Variants in CELSR1 observed in about 807,000 individuals in gnomAD.
The protein encoded by CELSR1 is cadherin EGF LAG seven-pass G-type receptor 1.
Under a neutral mutation model 249.1 loss-of-function variants are expected in CELSR1, and 110 were observed. That is an observed-to-expected ratio of 0.44 (90% CI 0.38 to 0.52). The LOEUF is 0.52. Ranked by LOEUF, CELSR1 falls within the 20% of genes least tolerant of loss-of-function variation. The pLI is 0.00. For missense variants in CELSR1, 4,109 were observed against 4,296.4 expected (o/e 0.96, Z 1.22); for synonymous variants, 2,113 against 1,900.0 (o/e 1.11, Z -2.92).
chr22:46,365,498 A>G, intron 31 of CELSR1, 88 bp downstream of exon 31: 1 of 1,542,534 alleles, frequency 6.5e-7, no homozygotes. Flanking sequence ...CGAGGCTGCT[A>G]GTGCTTCTTC....
chr22:46,453,359 G>C (rs2079908459), intron 2 of CELSR1, among the ~76,000 whole-genome samples: 1 of 152,184 alleles, frequency 6.6e-6, no homozygotes, highest in African/African-American at 2.4e-5. Context: ...AATTCCCCTG[G>C]CCACACCAGT....
intron 1 of CELSR1, among the ~76,000 whole-genome samples, chr22:46,483,656 G>T (rs1602198613): frequency 6.6e-6 from 1 of 152,166 alleles, no homozygotes; most frequent in East Asian, 1.9e-4. Flanking sequence ...ATCTGCTATT[G>T]CCTCTCCAAC....
At chr22:46,418,317 C>A (rs1431182041) in intron 5 of CELSR1, among the ~76,000 whole-genome samples, 4 of 152,002 alleles carry the variant, frequency 2.6e-5, no homozygotes, top group African/African-American at 9.7e-5. Flanking sequence ...CCCATCTCTA[C>A]TGAAAAAATA....
chr22:46,396,301 G>A lies in CELSR1; in HGVS notation c.5843+304C>T, dbSNP rs937156007. On this transcript the variant is annotated intron_variant, in intron 13 of 34. Transcript: ENST00000674500. The surrounding 1 kb of genome is among the most constrained non-coding windows in gnomAD (Gnocchi z 6.4). The stretch of plus-strand genomic sequence containing the variant: ...CGGGCACCTGTAGGACCAGCTACTC[G>A]GGAGGCCGAGGCAGGAGAATCACTT... Among the ~76,000 whole-genome samples the A allele has an allele frequency of 7.2e-5, 11 of 152,156 alleles. No individual in the cohort carries two copies. In the South Asian group the frequency reaches 1.5e-3, roughly 20 times the overall value.
Position 46,413,726 on chromosome 22 carries a change from G to C in CELSR1, c.4612-1967C>G, listed in dbSNP as rs2079364213. Among the ~76,000 whole-genome samples, 1 of 152,210 alleles carries C rather than the reference G, an allele frequency of 6.6e-6. No homozygotes were observed. The highest frequency in any genetic ancestry group is 2.1e-4 in the South Asian group (1 of 4,834). On this transcript the variant is annotated intron_variant, in intron 5 of 34. Coordinates refer to ENST00000674500, the MANE Select transcript of CELSR1 (RefSeq NM_001378328.1). This position sits in a 1 kb window ranked among gnomAD's most constrained non-coding sequence, Gnocchi z 4.7. Reference sequence around the variant, plus strand: ...AGACTCCACTTTTGGTTAAGCAACAGGTAGGCGAGTGCATTAAAAATCATC... The same window carrying C: ...AGACTCCACTTTTGGTTAAGCAACACGTAGGCGAGTGCATTAAAAATCATC...
rs2080167898 is a variant in CELSR1 at position 46,472,676 on chromosome 22, G to A, written c.3545-8331C>T. ...GGCCGCCGCTGCATCACCAATACAGGACATTCACTCTCTCCGTTTTGGAGG... is the reference window on the plus strand; with the variant it reads ...GGCCGCCGCTGCATCACCAATACAGAACATTCACTCTCTCCGTTTTGGAGG... On this transcript the variant is annotated intron_variant, in intron 1 of 34. Coordinates refer to ENST00000674500, the MANE Select transcript of CELSR1 (RefSeq NM_001378328.1). This position sits in a 1 kb window ranked among gnomAD's most constrained non-coding sequence, Gnocchi z 7.0. 2.0e-5 allele frequency among the ~76,000 whole-genome samples: 3 copies of A among 152,194 alleles called. No homozygotes were observed. Among genetic ancestry groups the A allele is most frequent in the African/African-American group, 7.2e-5 (3 of 41,448 alleles).
intron 1 of CELSR1, among the ~76,000 whole-genome samples, chr22:46,465,371 T>C (rs1006846368): frequency 2.7e-5 from 4 of 147,492 alleles, no homozygotes; most frequent in African/African-American, 9.8e-5. Flanking sequence ...CTGGTTTCCA[T>C]GGAGCGTGGG....
At chr22:46,479,290 T>C (rs1381751994) in intron 1 of CELSR1, among the ~76,000 whole-genome samples, 1 of 152,066 alleles carries the variant, frequency 6.6e-6, no homozygotes, top group South Asian at 2.1e-4. Flanking sequence ...GCCTCTGAAA[T>C]GCTGACTCAT....
At position 46,463,766 on chromosome 22, in the gene CELSR1, T is replaced by C. The variant is rs1202509309; in HGVS notation, c.4124A>G (p.Asn1375Ser). The C allele has an allele frequency of 1.3e-6, 2 of 1,553,164 alleles. No homozygotes were observed. Among genetic ancestry groups the C allele is most frequent in the East Asian group, 2.3e-5 (1 of 44,186 alleles). Residue 1375 changes from asparagine (N) to serine (S), a missense_variant, in exon 2 of 35, where the codon AAC becomes AGC. Transcript: ENST00000674500. Reference protein sequence around the residue: ...DLCYSDPCGANGRCRSREGGY... With the variant: ...DLCYSDPCGASGRCRSREGGY... ...GCCCTCGCGGCTGCGGCAGCGGCCG[T>C]TGGCGCCGCACGGGTCGGAGTAGCA... is the stretch of plus-strand genomic sequence containing the variant.
rs1267866088 is a variant in CELSR1 at position 46,366,988 on chromosome 22, C to A, written c.8205+5G>T. 6.2e-7 allele frequency: 1 copy of A among 1,608,432 alleles called. No individual in the cohort carries two copies. Among genetic ancestry groups the A allele is most frequent in the South Asian group, 1.1e-5 (1 of 90,414 alleles). On this transcript the variant is annotated splice_donor_5th_base_variant and intron_variant, in intron 29 of 34. Coordinates refer to ENST00000674500, the MANE Select transcript of CELSR1 (RefSeq NM_001378328.1). ...CAGTCCCGCGGTGTCCCCGGCGCCT[C>A]CTACCGTCAGCAGGGTGGCCCTGGT...
chr22:46,367,851 G>C lies in CELSR1; in HGVS notation c.7957C>G (p.Leu2653Val). 1 of 1,609,304 alleles carries C rather than the reference G, an allele frequency of 6.2e-7. No homozygotes were observed. The highest frequency in any genetic ancestry group is 1.7e-5 in the Admixed American group (1 of 59,738). ...AGCAGGAGGAATGCGGTCCTCAGCA[G>C]GGAGCTGCGGGAGGGCAGGATCAGG... ...HYYGKKGIVS[L>V]LRTAFLLLLL... Residue 2653 changes from leucine (L) to valine (V), a missense_variant, in exon 28 of 35, where the codon CTG becomes GTG. Leu to Val is a conservative substitution (Grantham distance 32). This residue lies in a region of CELSR1 where 1,805 missense variants were observed against 1,831.6 expected (regional missense o/e 0.99). Coordinates refer to ENST00000674500, the MANE Select transcript of CELSR1 (RefSeq NM_001378328.1).
chr22:46,399,456 C>A lies in CELSR1; in HGVS notation c.5412+261G>T, dbSNP rs2079187141. ...CTAAAAGAAACCACTGCTGAAGGCA[C>A]CAACAGCATCATGATGAGAAATGCA... On this transcript the variant is annotated intron_variant, in intron 10 of 34. Transcript: ENST00000674500. This position sits in a 1 kb window ranked among gnomAD's most constrained non-coding sequence, Gnocchi z 5.0. Among the ~76,000 whole-genome samples the A allele has an allele frequency of 6.6e-6, 1 of 152,228 alleles. No homozygotes were observed. Among genetic ancestry groups the A allele is most frequent in the Non-Finnish European group, 1.5e-5 (1 of 68,046 alleles).
chr22:46,388,447 G>A (rs1016780937), intron 18 of CELSR1, among the ~76,000 whole-genome samples: 17 of 152,324 alleles, frequency 1.1e-4, no homozygotes, highest in African/African-American at 3.8e-4. Flanking sequence ...CTCAGGCTGG[G>A]ACTCAAATCC....
Position 46,397,705 on chromosome 22 carries a change from G to A in CELSR1, c.5670C>T (p.Ala1890=), listed in dbSNP as rs1247921813. Residue 1890 remains alanine (A), a synonymous_variant, in exon 12 of 35, where the codon GCC becomes GCT. Transcript: ENST00000674500. ...CACAGACGCAGCTGTAGTCCTCCCAGGCGTCGTGGCAGCGGCTATTGGGGG... is the reference window on the plus strand; with the variant it reads ...CACAGACGCAGCTGTAGTCCTCCCAAGCGTCGTGGCAGCGGCTATTGGGGG... ...PCPPNSRCHD[A]WEDYSCVCDK... The A allele has an allele frequency of 2.5e-6, 4 of 1,568,718 alleles. No individual in the cohort carries two copies. The Admixed American group carries it at 7.3e-5, about 28-fold the overall frequency.
intron 5 of CELSR1, among the ~76,000 whole-genome samples, chr22:46,421,921 T>G (rs2079477829): frequency 6.6e-6 from 1 of 152,170 alleles, no homozygotes; most frequent in Non-Finnish European, 1.5e-5. Context: ...CCCCTCCTCT[T>G]AAACACGGAA....
At chr22:46,479,740 G>A (rs1284728269) in intron 1 of CELSR1, among the ~76,000 whole-genome samples, 1 of 152,188 alleles carries the variant, frequency 6.6e-6, no homozygotes, top group African/African-American at 2.4e-5. Flanking sequence ...CAAGTAATAA[G>A]CTGGTGAGAA....
At chr22:46,376,815 A>G (rs548638001) in intron 24 of CELSR1, among the ~76,000 whole-genome samples, 28 of 151,788 alleles carry the variant, frequency 1.8e-4, no homozygotes, top group East Asian at 9.7e-4. Flanking sequence ...AAAAAAAAAA[A>G]AAAGAAAGAA....
chr22:46,385,418 C>T (rs375696795), intron 19 of CELSR1, among the ~76,000 whole-genome samples: 1 of 152,190 alleles, frequency 6.6e-6, no homozygotes, highest in South Asian at 2.1e-4. Context: ...TAGAACAGAA[C>T]TGACTTCCAA....
At chr22:46,368,071 G>A (rs932823771) in intron 27 of CELSR1, among the ~76,000 whole-genome samples, 11 of 152,190 alleles carry the variant, frequency 7.2e-5, no homozygotes, top group Non-Finnish European at 1.5e-4. Context: ...GTTAGTGGGG[G>A]TGGTGGTGGA....
Sources: allele counts gnomAD v4.1 joint callset (sites outside exome capture counted in the v4.1 genomes callset), GRCh38; gene constraint gnomAD v4.1.1; regional missense constraint gnomAD v4.1.1; non-coding constraint Gnocchi (gnomAD v3.1); transcripts MANE v1.5; gene names NCBI Gene and HGNC (gene_info 2026-07-23, HGNC 2026-07-21).